The following ZNF79 variants were observed in gnomAD, a reference collection of about 807,000 sequenced individuals.
ZNF79 encodes ZNFpT7.
Under a neutral mutation model 14.9 loss-of-function variants are expected in ZNF79, and 13 were observed. That is an observed-to-expected ratio of 0.87 (90% confidence interval 0.57 to 1.38). The LOEUF (loss-of-function observed/expected upper bound fraction) is 1.38, where lower values mean the gene tolerates loss of function less well. ZNF79 is among the 40% of genes most tolerant of loss of function. The pLI, the probability that ZNF79 is intolerant of heterozygous loss-of-function variation, is 0.00. For synonymous variants in ZNF79, 223 were observed against 235.1 expected, an observed-to-expected ratio of 0.95 and a Z score of 0.47; for missense variants, 631 against 630.6, an observed-to-expected ratio of 1.00 and a Z score of -0.01.
intron 4 of ZNF79, among the ~76,000 whole-genome samples, chr9:127,438,532 T>G (rs1368383970): frequency 6.6e-6 from 1 of 152,148 alleles, no homozygotes; most frequent in Non-Finnish European, 1.5e-5. Context: ...ATAGGCGTGA[T>G]TGAAACACGG....
intron 4 of ZNF79, among the ~76,000 whole-genome samples, chr9:127,439,614 C>T (rs1834015162): frequency 6.6e-6 from 1 of 152,206 alleles, no homozygotes; most frequent in Non-Finnish European, 1.5e-5. Flanking sequence ...AAGTGCCATT[C>T]TCCCTGCTGC....
At chr9:127,440,183 G>A (rs558518799) in intron 4 of ZNF79, among the ~76,000 whole-genome samples, 1 of 152,316 alleles carries the variant, frequency 6.6e-6, no homozygotes, top group South Asian at 2.1e-4. Context: ...TTTTTATGGT[G>A]ATGAGTTGTG....
chr9:127,435,909 A>G lies in ZNF79; in HGVS notation c.234A>G (p.Gly78=). Residue 78 remains glycine, a splice_region_variant and synonymous_variant, in exon 4 of 5, where the codon GGA becomes GGG. Transcript: ENST00000342483. ...AGCCTGTTTTTTCCCGTTGAATAGG[A>G]CTTCCAGTTTCCCAGCCTGGCATGA... ...PGKSRSLVLL[G]LPVSQPGMNS... 1.2e-6 allele frequency: 2 copies of G among 1,614,048 alleles called. No homozygotes were observed. Among genetic ancestry groups the G allele is most frequent in the Non-Finnish European group, 1.7e-6 (2 of 1,179,920 alleles).
At position 127,444,407 on chromosome 9, in the gene ZNF79, T is replaced by C. The variant is rs1834114225; in HGVS notation, c.707T>C (p.Leu236Pro). 6.2e-7 allele frequency: 1 copy of C among 1,612,342 alleles called. No individual in the cohort carries two copies. Among genetic ancestry groups the C allele is most frequent in the Non-Finnish European group, 8.5e-7 (1 of 1,178,740 alleles). The change falls in exon 5 of 5, where the codon CTC becomes CCC. Residue 236 changes from leucine (L) to proline (P), a missense_variant. Coordinates refer to ENST00000342483, the MANE Select transcript of ZNF79 (RefSeq NM_007135.3). ...AAGGCCTTCAGCCAGAGCTCATCTC[T>C]CATTCAGCACCAGAGGATTCACACT... ...CGKAFSQSSS[L>P]IQHQRIHTGE... is the part of the protein sequence containing the mutation.
intron 2 of ZNF79, 58 bp downstream of exon 2, chr9:127,428,978 A>G: frequency 8.5e-7 from 1 of 1,179,280 alleles, no homozygotes. Context: ...TACTAATGGT[A>G]GGGTTGCCTT....
At chr9:127,424,957 C>T (rs1833724380) in intron 1 of ZNF79, 154 bp downstream of exon 1, 2 of 1,504,184 alleles carry the variant, frequency 1.3e-6, no homozygotes, top group African/African-American at 2.8e-5. Flanking sequence ...TGACACAGCC[C>T]CAGGAGATCC....
chr9:127,437,357 G>T (rs1833969232), intron 4 of ZNF79, among the ~76,000 whole-genome samples: 2 of 151,882 alleles, frequency 1.3e-5, no homozygotes, highest in Non-Finnish European at 2.9e-5. Flanking sequence ...CGCTGCCTGG[G>T]CATCTCTGTG....
At position 127,445,357 on chromosome 9, in the gene ZNF79, T is replaced by C. The variant is rs1431240112; in HGVS notation, c.*160T>C. On this transcript the variant is annotated 3_prime_UTR_variant, in exon 5 of 5. Coordinates refer to ENST00000342483, the MANE Select transcript of ZNF79 (RefSeq NM_007135.3). ...CAAAACACCTTCAATAAACAGCCAC[T>C]ATTTCACATGCTGTATATGGACGCT... The C allele has an allele frequency of 3.0e-6, 2 of 673,344 alleles. No individual in the cohort carries two copies. The highest frequency in any genetic ancestry group is 3.8e-5 in the South Asian group (2 of 52,248). 41.7% of individuals were successfully genotyped at this position (673,344 alleles called of 1,614,324 possible). A position where few individuals can be genotyped will look rare whatever the true frequency, so the allele number is the denominator to read the frequency against.
At chr9:127,437,051 ACT>A (rs1357744626) in intron 4 of ZNF79, among the ~76,000 whole-genome samples, 4 of 140,066 alleles carry the variant, frequency 2.9e-5, no homozygotes, top group Non-Finnish European at 3.1e-5. Context: ...CAAGAGTGAA[ACT>A]CTGTCTTAAA....
At chr9:127,431,964 T>C (rs1490925368) in intron 2 of ZNF79, among the ~76,000 whole-genome samples, 3 of 152,196 alleles carry the variant, frequency 2.0e-5, no homozygotes, top group Non-Finnish European at 4.4e-5. Flanking sequence ...CTGTGCTCTC[T>C]AACACATTGT....
At position 127,428,899 on chromosome 9, in the gene ZNF79, TCTC is replaced by T; in HGVS notation, c.88_90del (p.Leu30del). The T allele has an allele frequency of 6.2e-7, 1 of 1,602,592 alleles. No individual in the cohort carries two copies. Among genetic ancestry groups the T allele is most frequent in the South Asian group, 1.1e-5 (1 of 89,392 alleles). ...CAGGAGAGGAAGGAATGGCTGCTGGTCTCCTCACAGCTGGGCCCCGGGTAAGTT... is the reference window on the plus strand; with the variant it reads ...CAGGAGAGGAAGGAATGGCTGCTGGTCTCACAGCTGGGCCCCGGGTAAGTT... On this transcript the variant is annotated inframe_deletion, in exon 2 of 5. Coordinates refer to ENST00000342483, the MANE Select transcript of ZNF79 (RefSeq NM_007135.3).
chr9:127,432,869 C>T (rs943054611), intron 2 of ZNF79, among the ~76,000 whole-genome samples: 4 of 152,110 alleles, frequency 2.6e-5, no homozygotes, highest in Non-Finnish European at 5.9e-5. Context: ...TTATTTGGTT[C>T]ATGACATTTA....
intron 1 of ZNF79, 138 bp downstream of exon 1, chr9:127,424,941 T>C (rs925755825): frequency 2.2e-5 from 33 of 1,529,344 alleles, no homozygotes; most frequent in Non-Finnish European, 2.9e-5. Context: ...TTTCTTTCTT[T>C]GCCCATGACA....
intron 2 of ZNF79, among the ~76,000 whole-genome samples, chr9:127,429,295 T>C (rs923062429): frequency 6.6e-6 from 1 of 152,024 alleles, no homozygotes; most frequent in African/African-American, 2.4e-5. Context: ...GTATTACAGG[T>C]GTGAGCCACT....
intron 1 of ZNF79, among the ~76,000 whole-genome samples, chr9:127,427,934 C>A (rs981765108): frequency 6.6e-6 from 1 of 152,224 alleles, no homozygotes; most frequent in Admixed American, 6.5e-5. Flanking sequence ...AAATCATTGC[C>A]TAATCCAACC....
chr9:127,444,891 C>T lies in ZNF79; in HGVS notation c.1191C>T (p.Ala397=). 1 of 1,614,226 alleles carries T rather than the reference C, an allele frequency of 6.2e-7. No homozygotes were observed. Among genetic ancestry groups the T allele is most frequent in the Non-Finnish European group, 8.5e-7 (1 of 1,180,046 alleles). Residue 397 remains alanine (A), a synonymous_variant, in exon 5 of 5, where the codon GCC becomes GCT. Transcript: ENST00000342483. The stretch of plus-strand genomic sequence containing the variant: ...ACAAGTGCAGCGAGTGTGGGAAGGC[C>T]TTCAGCCAGAGTACCAATCTCATAA... ...KPYKCSECGK[A]FSQSTNLIIH...
intron 4 of ZNF79, among the ~76,000 whole-genome samples, chr9:127,442,569 T>C (rs926331649): frequency 6.6e-6 from 1 of 152,108 alleles, no homozygotes; most frequent in African/African-American, 2.4e-5. Flanking sequence ...ACATAGACTT[T>C]AGAAACACTG....
chr9:127,442,727 G>A (rs1834071214), intron 4 of ZNF79, among the ~76,000 whole-genome samples: 1 of 151,948 alleles, frequency 6.6e-6, no homozygotes, highest in African/African-American at 2.4e-5. Flanking sequence ...GCTGGATGTG[G>A]TAGCATGGGC....
chr9:127,443,981 G>A, intron 4 of ZNF79, 48 bp from the exon 5 acceptor site: 5 of 1,513,280 alleles, frequency 3.3e-6, no homozygotes, highest in Non-Finnish European at 3.5e-6. Flanking sequence ...TCAGCCTTTG[G>A]TATTCCTTCC....
Sources: allele counts gnomAD v4.1 joint callset (sites outside exome capture counted in the v4.1 genomes callset), GRCh38; gene constraint gnomAD v4.1.1; transcripts MANE v1.5; gene names NCBI Gene and HGNC (gene_info 2026-07-23, HGNC 2026-07-21).